The following AHNAK variants were observed in gnomAD, a reference collection of about 807,000 sequenced individuals.
The protein encoded by AHNAK is neuroblast differentiation-associated protein AHNAK.
A neutral mutation model predicts 37.8 loss-of-function variants in AHNAK; 23 were observed. The observed-to-expected ratio is 0.61, with a 90% CI of 0.44 to 0.86. The LOEUF (loss-of-function observed/expected upper bound fraction) is 0.86. Among genes scored for constraint, AHNAK ranks in the 40% least tolerant of loss-of-function variants. The pLI is 0.00. For missense variants in AHNAK, 7,411 were observed against 7,319.4 expected, an observed-to-expected ratio of 1.01 and a Z score of -0.46; for synonymous variants, 2,481 against 2,636.3, an observed-to-expected ratio of 0.94 and a Z score of 1.80.
intron 5 of AHNAK, among the ~76,000 whole-genome samples, chr11:62,442,862 T>C (rs1249609192): frequency 1.3e-5 from 2 of 150,788 alleles, no homozygotes; most frequent in East Asian, 2.0e-4. Context: ...AGAGCAAGAC[T>C]CCATCTCAAA....
At chr11:62,506,013 C>CAAAAAAAAAAAA (rs10608015) in intron 4 of AHNAK, among the ~76,000 whole-genome samples, 2 of 43,070 alleles carry the variant, frequency 4.6e-5, no homozygotes, top group Admixed American at 7.5e-4. Flanking sequence ...CTGTCTCTAC[C>CAAAAAAAAAAAA]AAAAAAAAAA....
rs148636883 is a variant in AHNAK, at chr11:62,518,440, G to A, written c.15977C>T (p.Ala5326Val). The A allele has an allele frequency of 2.0e-4, 315 of 1,613,936 alleles. 1 individual carries two copies. The highest frequency in any genetic ancestry group is 6.5e-4 in the Admixed American group (39 of 59,992). ...GACACCACTGAGGTTGAGCCCTGGA[G>A]CATGCACCTTCATGCTGGGAACAGA... ...DASVPSMKVHAPGLNLSGVGG... is the reference protein window; with the variant it reads ...DASVPSMKVHVPGLNLSGVGG... The change falls in exon 5 of 5, where the codon GCT (alanine) becomes GTT (valine). Residue 5326 changes from alanine to valine, a missense_variant. By Grantham distance (64) the Ala-to-Val change is moderately conservative. Coordinates refer to ENST00000378024, the MANE Select transcript of AHNAK (RefSeq NM_001620.3).
Position 62,524,699 on chromosome 11 carries a change from A to G in AHNAK, c.9718T>C (p.Ser3240Pro), listed in dbSNP as rs762260453. The G allele has an allele frequency of 8.7e-6, 14 of 1,614,234 alleles. No homozygotes were observed. Among genetic ancestry groups the G allele is most frequent in the Admixed American group, 6.7e-5 (4 of 60,026 alleles). ...GPKMKGEVDV[S>P]LANVEGDLKG... The stretch of plus-strand genomic sequence containing the variant: ...AAATCACCTTCTACATTTGCAAGTG[A>G]AACATCCACCTCTCCTTTCATTTTA... Residue 3240 changes from serine (S) to proline (P), a missense_variant, in exon 5 of 5, where the codon TCA (serine) becomes CCA (proline). Coordinates refer to ENST00000378024, the MANE Select transcript of AHNAK (RefSeq NM_001620.3).
At chr11:62,440,544 T>A (rs1042085389) in intron 5 of AHNAK, among the ~76,000 whole-genome samples, 1 of 152,118 alleles carries the variant, frequency 6.6e-6, no homozygotes, top group African/African-American at 2.4e-5. Context: ...TTTCTGAGCC[T>A]CTAGTGGACA....
At chr11:62,470,651 C>T (rs1449848013) in intron 5 of AHNAK, among the ~76,000 whole-genome samples, 3 of 152,052 alleles carry the variant, frequency 2.0e-5, no homozygotes, top group Admixed American at 1.3e-4. Context: ...AACCCATCAT[C>T]CAGATGCTCA....
chr11:62,499,300 G>A (rs1461025782), intron 4 of AHNAK, among the ~76,000 whole-genome samples: 2 of 152,218 alleles, frequency 1.3e-5, no homozygotes, highest in African/African-American at 4.8e-5. Flanking sequence ...TGTAATCCCA[G>A]CACTTTGGGA....
chr11:62,481,606 C>T (rs952840786), intron 5 of AHNAK, among the ~76,000 whole-genome samples: 1 of 134,896 alleles, frequency 7.4e-6, no homozygotes, highest in Non-Finnish European at 1.7e-5. Flanking sequence ...GAGACTGAGT[C>T]TCGCTCTTTC....
At chr11:62,480,668 G>A (rs887564946) in intron 5 of AHNAK, among the ~76,000 whole-genome samples, 54 of 149,860 alleles carry the variant, frequency 3.6e-4, no homozygotes, top group Non-Finnish European at 1.2e-4. Context: ...CTCAAAAAAA[G>A]AAAAGAAAAG....
chr11:62,476,793 C>T (rs1437047163), intron 5 of AHNAK, among the ~76,000 whole-genome samples: 3 of 152,128 alleles, frequency 2.0e-5, no homozygotes, highest in African/African-American at 7.2e-5. Flanking sequence ...CTCCAAAGCA[C>T]TTCCCAAAGC....
downstream of AHNAK, among the ~76,000 whole-genome samples, chr11:62,515,172 T>C (rs911941555): frequency 1.1e-4 from 17 of 152,126 alleles, no homozygotes; most frequent in Non-Finnish European, 5.9e-5. Context: ...GACTTTTCCA[T>C]AATGTTTAGC....
At position 62,523,137 on chromosome 11, in the gene AHNAK, C is replaced by G; in HGVS notation, c.11280G>C (p.Lys3760Asn). Residue 3760 changes from lysine (K) to asparagine (N), a missense_variant, in exon 5 of 5, where the codon AAG becomes AAC. Transcript: ENST00000378024. ...IDLNLKGPKV[K>N]GDVDVSLPKM... is the part of the protein sequence containing the mutation. ...TGGGCAGAGAAACATCCACATCGCC[C>G]TTGACTTTGGGGCCCTTCAGGTTTA... 1 of 1,613,970 alleles carries G rather than the reference C, an allele frequency of 6.2e-7. No individual in the cohort carries two copies. The highest frequency in any genetic ancestry group is 8.5e-7 in the Non-Finnish European group (1 of 1,180,006).
In AHNAK at chr11:62,528,865, T is replaced by C. The variant is rs369848178; in HGVS notation, c.5552A>G (p.Lys1851Arg). Residue 1851 changes from lysine (K) to arginine (R), a missense_variant, in exon 5 of 5, where the codon AAG becomes AGG. Physicochemically the swap from Lys to Arg is conservative, Grantham distance 26. Coordinates refer to ENST00000378024, the MANE Select transcript of AHNAK (RefSeq NM_001620.3). ...PKFKMPEMHF[K>R]APKISMPDVD... The stretch of plus-strand genomic sequence containing the variant: ...ATCAGGCATGGAGATCTTGGGGGCC[T>C]TGAAGTGCATCTCAGGCATCTTAAA... 6.8e-6 allele frequency: 11 copies of C among 1,613,754 alleles called. No homozygotes were observed. The highest frequency in any genetic ancestry group is 2.2e-5 in the South Asian group (2 of 91,044).
chr11:62,532,636 A>C lies in AHNAK; in HGVS notation c.1781T>G (p.Val594Gly). The part of the protein sequence containing the change: ...KGGVDVTLPR[V>G]EGKVKVPEVD... The stretch of plus-strand genomic sequence containing the variant: ...TTCAGGGACTTTGACTTTCCCTTCT[A>C]CTCTGGGGAGTGTGACATCTACACC... Residue 594 changes from valine to glycine, a missense_variant, in exon 5 of 5, where the codon GTA (valine) becomes GGA (glycine). Transcript: ENST00000378024. 6.2e-7 allele frequency: 1 copy of C among 1,613,684 alleles called. No individual in the cohort carries two copies. Among genetic ancestry groups the C allele is most frequent in the Non-Finnish European group, 8.5e-7 (1 of 1,179,920 alleles).
intron 5 of AHNAK, among the ~76,000 whole-genome samples, chr11:62,473,311 C>T (rs113627409): frequency 0.057 from 8,025 of 141,822 alleles, 776 homozygotes; most frequent in African/African-American, 0.2. Flanking sequence ...GCAGGAGAAT[C>T]GCTTGAACTC....
chr11:62,523,157 G>A lies in AHNAK; in HGVS notation c.11260C>T (p.Leu3754=), dbSNP rs772528736. Residue 3754 remains leucine, a synonymous_variant, in exon 5 of 5, where the codon CTG becomes TTG. Coordinates refer to ENST00000378024, the MANE Select transcript of AHNAK (RefSeq NM_001620.3). ...KISMPDIDLN[L]KGPKVKGDVD... is the part of the protein sequence containing the mutation. ...TCGCCCTTGACTTTGGGGCCCTTCAGGTTTAAATCAATGTCAGGCATCGAT... is the reference window on the plus strand; with the variant it reads ...TCGCCCTTGACTTTGGGGCCCTTCAAGTTTAAATCAATGTCAGGCATCGAT... 2 of 1,613,950 alleles carry A rather than the reference G, an allele frequency of 1.2e-6. No homozygotes were observed. Among genetic ancestry groups the A allele is most frequent in the Non-Finnish European group, 8.5e-7 (1 of 1,179,980 alleles).
chr11:62,521,750 T>G lies in AHNAK; in HGVS notation c.12667A>C (p.Lys4223Gln). ...ACATCAGGAACATCAATGTCCACCT[T>G]GGGTCCTGAGACGTCAAGGTCAGCC... ...PKADLDVSGPKVDIDVPDVNI... is the reference protein window; with the variant it reads ...PKADLDVSGPQVDIDVPDVNI... Residue 4223 changes from lysine (K) to glutamine (Q), a missense_variant, in exon 5 of 5, where the codon AAG (lysine) becomes CAG (glutamine). By Grantham distance (53) the Lys-to-Gln change is moderately conservative (BLOSUM62 1). Transcript: ENST00000378024. 1 of 1,613,782 alleles carries G rather than the reference T, an allele frequency of 6.2e-7. No individual in the cohort carries two copies. Among genetic ancestry groups the G allele is most frequent in the African/African-American group, 1.3e-5 (1 of 74,892 alleles).
chr11:62,463,981 G>C (rs1408387292), intron 5 of AHNAK, among the ~76,000 whole-genome samples: 1 of 151,404 alleles, frequency 6.6e-6, no homozygotes, highest in African/African-American at 2.4e-5. Context: ...TGTTGGCCAG[G>C]ATGGTCTCAA....
chr11:62,475,600 T>C lies in AHNAK; in HGVS notation c.442+16132A>G, dbSNP rs940296782. Among the ~76,000 whole-genome samples the C allele has an allele frequency of 2.4e-3, 188 of 78,120 alleles. 1 individual carries two copies. The highest frequency in any genetic ancestry group is 6.9e-3 in the African/African-American group (179 of 25,812). 51.2% of individuals were successfully genotyped at this position (78,120 alleles called of 152,430 possible). A position where few individuals can be genotyped will look rare whatever the true frequency, so the allele number is the denominator to read the frequency against. ...TTCTTAAATAAATGTGGTTATGTTA[T>C]ACTTTTTTTTTTTTTTTTTTTTTAG... On this transcript the variant is annotated intron_variant, in intron 5 of 5. Coordinates refer to the AHNAK transcript ENST00000257247.
intron 5 of AHNAK, among the ~76,000 whole-genome samples, chr11:62,480,533 T>C (rs1270199152): frequency 6.6e-6 from 1 of 151,640 alleles, no homozygotes; most frequent in African/African-American, 2.4e-5. Flanking sequence ...CGGTGGCGGG[T>C]GCCTGTAATC....
Sources: allele counts gnomAD v4.1 joint callset (sites outside exome capture counted in the v4.1 genomes callset), GRCh38; gene constraint gnomAD v4.1.1; transcripts MANE v1.5; gene names NCBI Gene and HGNC (gene_info 2026-07-23, HGNC 2026-07-21).